Variants in JAKMIP3 observed in about 807,000 individuals in gnomAD.
JAKMIP3 encodes janus kinase and microtubule-interacting protein 3.
A neutral mutation model predicts 118.5 loss-of-function variants in JAKMIP3; 58 were observed. The observed-to-expected ratio is 0.49, with a 90% CI of 0.40 to 0.61. The LOEUF is 0.61. JAKMIP3 is among the 20% of genes least tolerant of loss of function. The pLI, the probability that JAKMIP3 is intolerant of heterozygous loss-of-function variation, is 0.00. For missense variants in JAKMIP3, 950 were observed against 1,109.0 expected (o/e 0.86, Z 2.04); for synonymous variants, 486 against 451.2 (o/e 1.08, Z -0.98).
At position 132,180,990 on chromosome 10, in the gene JAKMIP3, GTAT is replaced by G. The variant is rs533020303; in HGVS notation, c.*1104-1365_*1104-1363del. Among the ~76,000 whole-genome samples the G allele has an allele frequency of 2.1e-4, 31 of 148,766 alleles. 1 individual carries two copies. In the South Asian group the frequency reaches 6.4e-3, roughly 31 times the overall value. ...TATTGTGTGGGCATGTGTGTGTAGTGTATTGTGTGTACATGCATGTGCAGTGTG... is the reference window on the plus strand; with the variant it reads ...TATTGTGTGGGCATGTGTGTGTAGTGTGTGTGTACATGCATGTGCAGTGTG... On this transcript the variant is annotated intron_variant, in intron 23 of 23. Transcript: ENST00000684848.
intron 1 of JAKMIP3, among the ~76,000 whole-genome samples, chr10:132,040,275 C>A (rs1257516976): frequency 6.6e-6 from 1 of 152,218 alleles, no homozygotes; most frequent in Non-Finnish European, 1.5e-5. Flanking sequence ...TCACCAGGAA[C>A]CAAACCGGCC....
At position 132,168,145 on chromosome 10, in the gene JAKMIP3, G is replaced by A. The variant is rs1034792633; in HGVS notation, c.*215G>A. On this transcript the variant is annotated 3_prime_UTR_variant, in exon 23 of 24. Coordinates refer to ENST00000684848, the MANE Select transcript of JAKMIP3 (RefSeq NM_001323087.2). ...GTGGGATGTGCCAGAACTAGAACTGGCTCTGCCGACTTCTCGGGGGCTTCT... is the reference window on the plus strand; with the variant it reads ...GTGGGATGTGCCAGAACTAGAACTGACTCTGCCGACTTCTCGGGGGCTTCT... 3 of 1,286,326 alleles carry A rather than the reference G, an allele frequency of 2.3e-6. No homozygotes were observed. The highest frequency in any genetic ancestry group is 3.0e-6 in the Non-Finnish European group (3 of 986,900). The allele number at this position is 1,286,326 out of a possible 1,614,324, so 79.7% of individuals were successfully genotyped here.
At chr10:132,037,821 G>C (rs937642280) in intron 1 of JAKMIP3, among the ~76,000 whole-genome samples, 1 of 152,234 alleles carries the variant, frequency 6.6e-6, no homozygotes, top group African/African-American at 2.4e-5. Context: ...CAGTTGCCTG[G>C]GCCGCAGCGC....
chr10:132,080,503 ATTTTTT>A (rs201838731), intron 1 of JAKMIP3, among the ~76,000 whole-genome samples: 13 of 61,574 alleles, frequency 2.1e-4, no homozygotes, highest in Non-Finnish European at 3.5e-4. Flanking sequence ...AAGTTATAGG[ATTTTTT>A]TTTTTTTTTT....
At chr10:132,135,615 T>A (rs1745755778) in intron 5 of JAKMIP3, among the ~76,000 whole-genome samples, 1 of 152,250 alleles carries the variant, frequency 6.6e-6, no homozygotes, top group African/African-American at 2.4e-5. Flanking sequence ...CTGGTCTTCA[T>A]CTTCATCCCC....
intron 1 of JAKMIP3, among the ~76,000 whole-genome samples, chr10:132,080,537 TTTA>T (rs2041616065): frequency 4.5e-5 from 5 of 110,250 alleles, no homozygotes; most frequent in African/African-American, 7.4e-5. Context: ...TTTTTTTTTT[TTTA>T]AGATGGAGTC....
intron 23 of JAKMIP3, chr10:132,181,608 A>G (rs1418368646): frequency 6.6e-6 from 1 of 152,232 alleles, no homozygotes; most frequent in Non-Finnish European, 1.5e-5. Context: ...TGCAGCAGAG[A>G]TTTCAACTGT....
rs1269758793 is a variant in JAKMIP3 at position 132,118,738 on chromosome 10, C to T, written c.633+1164C>T. Among the ~76,000 whole-genome samples the T allele has an allele frequency of 6.6e-6, 1 of 152,232 alleles. No individual in the cohort carries two copies. Among genetic ancestry groups the T allele is most frequent in the Non-Finnish European group, 1.5e-5 (1 of 68,042 alleles). The stretch of plus-strand genomic sequence containing the variant: ...CAAAGTGGTCCCTGTTCCAACCTCC[C>T]CTACACCTCTTCGCCCTGTCCCAAG... On this transcript the variant is annotated intron_variant, in intron 3 of 23. Transcript: ENST00000684848. The surrounding 1 kb of genome is among the most constrained non-coding windows in gnomAD (Gnocchi z 4.8).
chr10:132,180,692 CGTGCGT>C lies in JAKMIP3; in HGVS notation c.*1104-1661_*1104-1656del, dbSNP rs1331698848. Reference sequence around the variant, plus strand: ...GTGTGTGTGCGCGCGCGTGTGTGTGCGTGCGTGTGTGTGTGCGCGTGTGTGTGCGTG... The same window carrying C: ...GTGTGTGTGCGCGCGCGTGTGTGTGCGTGTGTGTGCGCGTGTGTGTGCGTG... On this transcript the variant is annotated intron_variant, in intron 23 of 23. Transcript: ENST00000684848. Among the ~76,000 whole-genome samples, 107 of 11,262 alleles carry C rather than the reference CGTGCGT, an allele frequency of 9.5e-3. 16 individuals carry two copies. Among genetic ancestry groups the C allele is most frequent in the African/African-American group, 0.026 (68 of 2,644 alleles). The allele number at this position is 11,262 out of a possible 152,430, so 7.4% of individuals were successfully genotyped here. A position where few individuals can be genotyped will look rare whatever the true frequency, so the allele number is the denominator to read the frequency against.
At chr10:132,060,476 A>G (rs1443886660), upstream of JAKMIP3, among the ~76,000 whole-genome samples, 3 of 152,192 alleles carry the variant, frequency 2.0e-5, no homozygotes, top group Non-Finnish European at 4.4e-5. Context: ...AATTCGGAAT[A>G]CAGATGAAGG....
chr10:132,149,516 T>A lies in JAKMIP3; in HGVS notation c.1947+6T>A. 6.9e-7 allele frequency: 1 copy of A among 1,449,898 alleles called. No individual in the cohort carries two copies. 89.8% of individuals were successfully genotyped at this position (1,449,898 alleles called of 1,614,324 possible). ...GCGAGGCCGAAGGTGTGACGGTGAG[T>A]CCCGCCCCTCCTGCCCACTCCGCCC... On this transcript the variant is annotated splice_donor_region_variant and intron_variant, in intron 15 of 23. Transcript: ENST00000684848.
chr10:132,170,064 G>C (rs976580987), intron 23 of JAKMIP3: 3 of 152,312 alleles, frequency 2.0e-5, no homozygotes, highest in Non-Finnish European at 4.4e-5. Flanking sequence ...GTTCATTCTA[G>C]AAGGAGCGGG....
chr10:132,170,489 G>A (rs1394697665), intron 23 of JAKMIP3, among the ~76,000 whole-genome samples: 1 of 152,166 alleles, frequency 6.6e-6, no homozygotes, highest in East Asian at 1.9e-4. Context: ...GGTCACAGAG[G>A]GGACGCCGGG....
intron 23 of JAKMIP3, among the ~76,000 whole-genome samples, chr10:132,173,017 CTCTCTCT>C (rs2059692899): frequency 4.7e-5 from 1 of 21,086 alleles, no homozygotes; most frequent in Non-Finnish European, 1.0e-4. Context: ...CTCTCTCTCC[CTCTCTCT>C]CTCCTTCCCT....
chr10:132,167,878 C>CCCCTCGCCCCTCGG (rs1554958711), intron 22 of JAKMIP3, 75 bp from the exon 23 acceptor site: 6 of 1,158,490 alleles, frequency 5.2e-6, no homozygotes, highest in East Asian at 5.8e-5. Context: ...TCGCCCCTCG[C>CCCCTCGCCCCTCGG]CCCTCGGCCC....
At chr10:132,130,187 A>G (rs939885319) in intron 3 of JAKMIP3, among the ~76,000 whole-genome samples, 7 of 152,084 alleles carry the variant, frequency 4.6e-5, no homozygotes, top group African/African-American at 1.7e-4. Context: ...ACCCCCACCC[A>G]GGTCTCTGCT....
chr10:132,165,593 T>A (rs562278266), intron 21 of JAKMIP3, among the ~76,000 whole-genome samples: 11 of 152,298 alleles, frequency 7.2e-5, no homozygotes, highest in African/African-American at 2.6e-4. Context: ...GAGGCTGGCA[T>A]TGGGATGCCC....
At chr10:132,146,801 C>T (rs563617640) in intron 13 of JAKMIP3, among the ~76,000 whole-genome samples, 2 of 152,338 alleles carry the variant, frequency 1.3e-5, no homozygotes, top group South Asian at 4.1e-4. Flanking sequence ...CCATGTTTCC[C>T]GTGGACACAC....
intron 4 of JAKMIP3, among the ~76,000 whole-genome samples, chr10:132,134,791 T>C (rs777922417): frequency 2.6e-4 from 39 of 152,270 alleles, no homozygotes; most frequent in Non-Finnish European, 5.6e-4. Flanking sequence ...CTTTATGTTA[T>C]TTTAAAATAG....
Sources: allele counts gnomAD v4.1 joint callset (sites outside exome capture counted in the v4.1 genomes callset), GRCh38; gene constraint gnomAD v4.1.1; non-coding constraint Gnocchi (gnomAD v3.1); transcripts MANE v1.5; gene names NCBI Gene and HGNC (gene_info 2026-07-23, HGNC 2026-07-21).